Variants in SPTBN1 observed in about 807,000 individuals in gnomAD.
SPTBN1 encodes the protein spectrin beta, non-erythrocytic 1.
In SPTBN1, 32 loss-of-function variants were observed where a neutral mutation model predicts 266.4. That is an observed-to-expected ratio of 0.12 (90% CI 0.09 to 0.16). The LOEUF (loss-of-function observed/expected upper bound fraction) is 0.16, where lower values mean the gene tolerates loss of function less well. Ranked by LOEUF, SPTBN1 falls within the 10% of genes least tolerant of loss-of-function variation. The pLI, the probability that SPTBN1 is intolerant of heterozygous loss-of-function variation, is 1.00. For synonymous variants in SPTBN1, 1,336 were observed against 1,162.2 expected (o/e 1.15, Z -3.04); for missense variants, 2,296 against 3,067.1 (o/e 0.75, Z 5.94).
At chr2:54,593,918 C>G (rs1011600567) in intron 2 of SPTBN1, among the ~76,000 whole-genome samples, 12 of 145,176 alleles carry the variant, frequency 8.3e-5, no homozygotes, top group African/African-American at 2.7e-4. Flanking sequence ...ACTGCAACCT[C>G]CGCCTCCCAG....
chr2:54,620,785 T>C (rs958955801), intron 7 of SPTBN1, among the ~76,000 whole-genome samples: 8 of 152,198 alleles, frequency 5.3e-5, no homozygotes, highest in African/African-American at 1.7e-4. Flanking sequence ...AGGAAAGTTA[T>C]AGCCAGATTC....
At chr2:54,642,938 G>A in intron 18 of SPTBN1, 45 bp from the exon 19 acceptor site, 1 of 1,586,868 alleles carries the variant, frequency 6.3e-7, no homozygotes, top group Non-Finnish European at 8.6e-7. Flanking sequence ...AAAAAAGGCT[G>A]ATGTCTAGGA....
chr2:54,526,735 A>AC (rs1573338977), intron 2 of SPTBN1, 169 bp downstream of exon 2: 1 of 788,006 alleles, frequency 1.3e-6, no homozygotes, highest in Non-Finnish European at 1.8e-6. Flanking sequence ...TCAGTTCCAT[A>AC]TTTGGAGAGC....
intron 29 of SPTBN1, 159 bp from the exon 30 acceptor site, chr2:54,657,691 C>G: frequency 1.3e-6 from 1 of 798,012 alleles, no homozygotes; most frequent in Non-Finnish European, 1.9e-6. Context: ...GCAAGTGTGG[C>G]TCACATTACA....
chr2:54,473,738 G>A lies in SPTBN1; in HGVS notation c.-48+17220G>A, dbSNP rs565166882. Among the ~76,000 whole-genome samples, 14 of 152,200 alleles carry A rather than the reference G, an allele frequency of 9.2e-5. No individual in the cohort carries two copies. The South Asian group carries it at 2.7e-3, about 29-fold the overall frequency. On this transcript the variant is annotated intron_variant, in intron 1 of 35. Transcript: ENST00000356805. ...AGGAGAATTCAGTCATTCATTATAC[G>A]ATAAGCAGGCAAAAAGTTAAATACT...
At position 54,632,712 on chromosome 2, in the gene SPTBN1, C is replaced by T. The variant is rs1290291881; in HGVS notation, c.3711C>T (p.Ser1237=). The change falls in exon 17 of 36, where the codon AGC becomes AGT. Residue 1237 remains serine, a synonymous_variant. Coordinates refer to ENST00000356805, the MANE Select transcript of SPTBN1 (RefSeq NM_003128.3). ...TGGAGACTGGCCGGAGGCTGGTGAG[C>T]GATGGGAACATCAACTCAGATCGCA... The part of the protein sequence containing the change: ...AVVETGRRLV[S]DGNINSDRIQ... 6.2e-7 allele frequency: 1 copy of T among 1,614,124 alleles called. No individual in the cohort carries two copies. The highest frequency in any genetic ancestry group is 8.5e-7 in the Non-Finnish European group (1 of 1,180,024).
chr2:54,643,577 C>G (rs1679721302), intron 19 of SPTBN1, among the ~76,000 whole-genome samples: 1 of 152,220 alleles, frequency 6.6e-6, no homozygotes, highest in East Asian at 1.9e-4. Context: ...ATGTGTTATT[C>G]TTGCACAGAG....
intron 7 of SPTBN1, among the ~76,000 whole-genome samples, chr2:54,619,429 G>A (rs944292957): frequency 1.3e-5 from 2 of 152,114 alleles, no homozygotes; most frequent in Admixed American, 6.5e-5. Context: ...CCCTATCGCA[G>A]TGACAACATT....
intron 3 of SPTBN1, among the ~76,000 whole-genome samples, chr2:54,601,404 C>T (rs890253400): frequency 6.6e-6 from 1 of 152,200 alleles, no homozygotes; most frequent in Admixed American, 6.5e-5. Context: ...GGAAAGGAAA[C>T]ACACCACACA....
chr2:54,506,457 G>T (rs1051928229), intron 1 of SPTBN1, among the ~76,000 whole-genome samples: 40 of 146,302 alleles, frequency 2.7e-4, no homozygotes, highest in Admixed American at 7.5e-4. Context: ...TATCTGTTTG[G>T]TTTTTTTTTT....
At chr2:54,635,467 C>T (rs1240345491) in intron 17 of SPTBN1, among the ~76,000 whole-genome samples, 1 of 152,224 alleles carries the variant, frequency 6.6e-6, no homozygotes, top group Non-Finnish European at 1.5e-5. Context: ...TCTTTCTTCC[C>T]ATCTTGATGG....
chr2:54,459,857 A>G (rs1693268232), intron 1 of SPTBN1, among the ~76,000 whole-genome samples: 1 of 152,076 alleles, frequency 6.6e-6, no homozygotes, highest in African/African-American at 2.4e-5. Flanking sequence ...TTCTCAGGGC[A>G]TCTTTTCTTT....
At chr2:54,602,400 T>C (rs1217305175) in intron 3 of SPTBN1, among the ~76,000 whole-genome samples, 1 of 152,020 alleles carries the variant, frequency 6.6e-6, no homozygotes, top group Admixed American at 6.5e-5. Context: ...TGGCATACGA[T>C]AGGCCTGCAC....
rs143657256 is a variant in SPTBN1 at position 54,669,957 on chromosome 2, G to C, written c.*1388G>C. The C allele has an allele frequency of 6.6e-6, 1 of 152,302 alleles. No individual in the cohort carries two copies. Among genetic ancestry groups the C allele is most frequent in the African/African-American group, 2.4e-5 (1 of 41,558 alleles). The allele number at this position is 152,302 out of a possible 1,614,324, so 9.4% of individuals were successfully genotyped here. Reference sequence around the variant, plus strand: ...AGATAGGGGTTGGCAAATTTGTTCTGTAAAGGGACAGAGATAGTAAATATT... The same window carrying C: ...AGATAGGGGTTGGCAAATTTGTTCTCTAAAGGGACAGAGATAGTAAATATT... On this transcript the variant is annotated 3_prime_UTR_variant, in exon 36 of 36. Coordinates refer to ENST00000356805, the MANE Select transcript of SPTBN1 (RefSeq NM_003128.3).
In SPTBN1 at chr2:54,612,298, C is replaced by T. The variant is rs1413163622; in HGVS notation, c.438C>T (p.Thr146=). Residue 146 remains threonine, a synonymous_variant, in exon 4 of 36, where the codon ACC becomes ACT. Coordinates refer to ENST00000356805, the MANE Select transcript of SPTBN1 (RefSeq NM_003128.3). ...HDIVDGNHRL[T]LGLIWTIILR... ...TCGTGGATGGAAACCACCGGCTGAC[C>T]CTTGGCCTCATCTGGACCATCATCC... 2 of 1,613,910 alleles carry T rather than the reference C, an allele frequency of 1.2e-6. No individual in the cohort carries two copies. The highest frequency in any genetic ancestry group is 1.3e-5 in the African/African-American group (1 of 75,042).
At chr2:54,482,364 A>AG (rs1345141904) in intron 1 of SPTBN1, among the ~76,000 whole-genome samples, 1 of 151,872 alleles carries the variant, frequency 6.6e-6, no homozygotes, top group African/African-American at 2.4e-5. Context: ...CAGGAAAAAA[A>AG]AAAAAAGAAA....
intron 32 of SPTBN1, chr2:54,662,138 C>G (rs1681091639): frequency 2.0e-6 from 2 of 985,188 alleles, no homozygotes; most frequent in African/African-American, 3.5e-5. Context: ...GCACTCTGGA[C>G]TAATCGCTAA....
intron 2 of SPTBN1, among the ~76,000 whole-genome samples, chr2:54,552,301 T>C (rs1299347780): frequency 6.6e-6 from 1 of 152,194 alleles, no homozygotes; most frequent in African/African-American, 2.4e-5. Context: ...AATAGTATCT[T>C]TGTAGACATG....
chr2:54,652,192 A>C (rs979112081), intron 26 of SPTBN1, among the ~76,000 whole-genome samples: 1 of 152,194 alleles, frequency 6.6e-6, no homozygotes, highest in Admixed American at 6.5e-5. Flanking sequence ...CAAGTATGGC[A>C]CTACTGATGT....
Sources: gnomAD v4.1 joint callset for allele counts (sites outside exome capture counted in the v4.1 genomes callset) on GRCh38, gnomAD v4.1.1 for gene constraint, MANE v1.5 for transcripts, NCBI Gene and HGNC (gene_info 2026-07-23, HGNC 2026-07-21) for gene names.